OSBPL8: variants seen among roughly 807,000 people sequenced by gnomAD.
The protein encoded by OSBPL8 is oxysterol binding protein like 8.
Under a neutral mutation model 125.5 loss-of-function variants are expected in OSBPL8, and 59 were observed. That is an observed-to-expected ratio of 0.47 (90% CI 0.38 to 0.58). OSBPL8 has a LOEUF of 0.58. OSBPL8 is among the 20% of genes least tolerant of loss of function. The probability of loss-of-function intolerance (pLI) is 0.00; values close to 1 mark genes in which losing one functional copy is unlikely to be tolerated. For synonymous variants in OSBPL8, 330 were observed against 338.9 expected (o/e 0.97, Z 0.29); for missense variants, 758 against 1,047.8 (o/e 0.72, Z 3.82).
chr12:76,466,502 A>T (rs1875456183), intron 2 of OSBPL8, among the ~76,000 whole-genome samples: 2 of 152,200 alleles, frequency 1.3e-5, no homozygotes, highest in African/African-American at 4.8e-5. Flanking sequence ...AAAAGAAAAC[A>T]AATTTTCTTG....
intron 8 of OSBPL8, among the ~76,000 whole-genome samples, chr12:76,397,345 G>A (rs1953852553): frequency 6.9e-6 from 1 of 144,624 alleles, no homozygotes; most frequent in Non-Finnish European, 1.5e-5. Flanking sequence ...CAGGGGGTGG[G>A]GAGGGGGGGT....
intron 1 of OSBPL8, among the ~76,000 whole-genome samples, chr12:76,524,499 A>G (rs1352595439): frequency 6.6e-6 from 1 of 152,166 alleles, no homozygotes; most frequent in Admixed American, 6.5e-5. Context: ...TGATCTTCAC[A>G]CAAATCCTGA....
chr12:76,411,900 C>T (rs1954528393), intron 4 of OSBPL8, among the ~76,000 whole-genome samples: 2 of 152,030 alleles, frequency 1.3e-5, no homozygotes, highest in African/African-American at 2.4e-5. Flanking sequence ...CATAGAGCAA[C>T]TGAAACTCTG....
At position 76,369,584 on chromosome 12, in the gene OSBPL8, G is replaced by A. The variant is rs1952543345; in HGVS notation, c.2240+53C>T. The stretch of plus-strand genomic sequence containing the variant: ...AGCAACAAATATTCTAGAAATAAAG[G>A]CAACAAACCATGCTAATACATTGTT... On this transcript the variant is annotated intron_variant, in intron 20 of 23. Transcript: ENST00000261183. 2.0e-6 allele frequency: 3 copies of A among 1,513,592 alleles called. No homozygotes were observed. In the African/African-American group the frequency reaches 4.2e-5, roughly 21 times the overall value. 93.8% of individuals were successfully genotyped at this position (1,513,592 alleles called of 1,614,324 possible).
At chr12:76,437,367 T>C (rs1400543874) in intron 4 of OSBPL8, among the ~76,000 whole-genome samples, 1 of 152,206 alleles carries the variant, frequency 6.6e-6, no homozygotes, top group African/African-American at 2.4e-5. Flanking sequence ...TCATTACTAT[T>C]TGGTGATTAA....
At chr12:76,356,768 A>C in intron 22 of OSBPL8, 40 bp from the exon 23 acceptor site, 1 of 1,366,036 alleles carries the variant, frequency 7.3e-7, no homozygotes, top group Middle Eastern at 1.9e-4. Flanking sequence ...CTATAAAAAT[A>C]ATCTACAGTT....
Position 76,389,956 on chromosome 12 carries a change from C to T in OSBPL8, c.1168-127G>A, listed in dbSNP as rs114135907. 600 of 659,898 alleles carry T rather than the reference C, an allele frequency of 9.1e-4. 3 individuals are homozygous for T. The African/African-American group carries it at 0.011, about 12-fold the overall frequency. 40.9% of individuals were successfully genotyped at this position (659,898 alleles called of 1,614,324 possible). A position where few individuals can be genotyped will look rare whatever the true frequency, so the allele number is the denominator to read the frequency against. On this transcript the variant is annotated intron_variant, in intron 11 of 23. Transcript: ENST00000261183. ...TCCAAGCATTCTTTAAATGTGGAAACAAAAAATAATAATAAAATCTATAGC... is the reference window on the plus strand; with the variant it reads ...TCCAAGCATTCTTTAAATGTGGAAATAAAAAATAATAATAAAATCTATAGC...
intron 18 of OSBPL8, 35 bp from the exon 19 acceptor site, chr12:76,371,619 A>G (rs1952621711): frequency 6.7e-7 from 1 of 1,502,298 alleles, no homozygotes; most frequent in Non-Finnish European, 8.9e-7. Flanking sequence ...AATGTAAAGA[A>G]TTATACTTAG....
At chr12:76,551,575 TA>T (rs1197664948) in intron 1 of OSBPL8, among the ~76,000 whole-genome samples, 2 of 152,186 alleles carry the variant, frequency 1.3e-5, no homozygotes, top group Non-Finnish European at 2.9e-5. Flanking sequence ...TGACTGGGCG[TA>T]AGATAAAGCT....
chr12:76,411,800 C>T (rs1235399460), intron 4 of OSBPL8, among the ~76,000 whole-genome samples: 1 of 151,908 alleles, frequency 6.6e-6, no homozygotes, highest in African/African-American at 2.4e-5. Flanking sequence ...TCCAAGTATC[C>T]TCCCCACTCC....
At chr12:76,488,863 T>C (rs921299668) in intron 1 of OSBPL8, among the ~76,000 whole-genome samples, 3 of 152,142 alleles carry the variant, frequency 2.0e-5, no homozygotes, top group Non-Finnish European at 2.9e-5. Flanking sequence ...AAGCTAAAAA[T>C]GATTAAGCTT....
chr12:76,382,698 C>A (rs527343565), intron 15 of OSBPL8, among the ~76,000 whole-genome samples: 1 of 152,242 alleles, frequency 6.6e-6, no homozygotes, highest in East Asian at 1.9e-4. Context: ...GCCTGACCAA[C>A]ATGGTGAAAC....
chr12:76,362,687 T>G (rs1419927219), intron 21 of OSBPL8, among the ~76,000 whole-genome samples: 1 of 152,162 alleles, frequency 6.6e-6, no homozygotes, highest in Admixed American at 6.5e-5. Flanking sequence ...GCCAGGGCAA[T>G]CAGGCAAGAG....
rs757942575 is a variant in OSBPL8 at position 76,503,122 on chromosome 12, TG to T, written c.-67-15505del. ...TTGGGTGGAAGCATGACTTTGTTAT[TG>T]TCTTTGTTTGGAGATTAACTATTGT... On this transcript the variant is annotated intron_variant, in intron 1 of 23. Transcript: ENST00000261183. Among the ~76,000 whole-genome samples the T allele has an allele frequency of 5.9e-5, 9 of 152,322 alleles. No individual in the cohort carries two copies. The South Asian group carries it at 1.0e-3, about 18-fold the overall frequency.
rs79124815 is a variant in OSBPL8 at position 76,442,870 on chromosome 12, C to T, written c.217+7981G>A. Among the ~76,000 whole-genome samples, 190 of 152,278 alleles carry T rather than the reference C, an allele frequency of 1.2e-3. 4 individuals are homozygous for T. The East Asian group carries it at 0.033, about 27-fold the overall frequency. On this transcript the variant is annotated intron_variant, in intron 4 of 23. Coordinates refer to ENST00000261183, the MANE Select transcript of OSBPL8 (RefSeq NM_020841.5). Reference sequence around the variant, plus strand: ...GAGATTATACCAGTAATGTGTAACGCTGTCACCCTGGGGAATCTGGTACAG... The same window carrying T: ...GAGATTATACCAGTAATGTGTAACGTTGTCACCCTGGGGAATCTGGTACAG...
At chr12:76,558,843 A>ATTAAAT in intron 1 of OSBPL8, among the ~76,000 whole-genome samples, 1 of 152,344 alleles carries the variant, frequency 6.6e-6, no homozygotes, top group East Asian at 1.9e-4. Flanking sequence ...AGAAACAAAC[A>ATTAAAT]TTAAATTTAA....
chr12:76,520,631 A>G (rs916343742), intron 1 of OSBPL8, among the ~76,000 whole-genome samples: 1 of 152,158 alleles, frequency 6.6e-6, no homozygotes, highest in African/African-American at 2.4e-5. Context: ...GAATACAAGT[A>G]AGTCATAAGG....
chr12:76,384,119 C>A (rs1435280061), intron 15 of OSBPL8, 135 bp downstream of exon 15: 1 of 447,024 alleles, frequency 2.2e-6, no homozygotes, highest in Non-Finnish European at 4.0e-6. Context: ...CAGAAAAAAG[C>A]CATTATTCAA....
At chr12:76,361,879 G>T (rs928004065) in intron 21 of OSBPL8, among the ~76,000 whole-genome samples, 1 of 152,168 alleles carries the variant, frequency 6.6e-6, no homozygotes, top group South Asian at 2.1e-4. Context: ...TTCAAGATGA[G>T]ATTTGGATGG....
Sources: gnomAD v4.1 joint callset for allele counts (sites outside exome capture counted in the v4.1 genomes callset) on GRCh38, gnomAD v4.1.1 for gene constraint, MANE v1.5 for transcripts, NCBI Gene and HGNC (gene_info 2026-07-23, HGNC 2026-07-21) for gene names.